Variants in TFPI observed in about 807,000 individuals in gnomAD.
TFPI encodes the protein anti-convertin.
A neutral mutation model predicts 34.6 loss-of-function variants in TFPI; 15 were observed. The observed-to-expected ratio is 0.43, with a 90% CI of 0.29 to 0.67. TFPI has a LOEUF of 0.67. TFPI is among the 30% of genes least tolerant of loss of function. The pLI, the probability that TFPI is intolerant of heterozygous loss-of-function variation, is 0.15. For synonymous variants in TFPI, 105 were observed against 120.1 expected (o/e 0.87, Z 0.82); for missense variants, 301 against 364.0 (o/e 0.83, Z 1.41).
rs536765284 is a variant in TFPI at position 187,538,976 on chromosome 2, A to G, written c.-3+15224T>C. The stretch of plus-strand genomic sequence containing the variant: ...ATTGGGTCTAATATTTAAACATTTG[A>G]ATAATATTAATATATATTGAAAATT... On this transcript the variant is annotated intron_variant, in intron 1 of 7. Transcript: ENST00000233156. 3.9e-4 allele frequency among the ~76,000 whole-genome samples: 59 copies of G among 152,288 alleles called. 1 individual carries two copies. In the South Asian group the frequency reaches 0.012, roughly 30 times the overall value.
intron 1 of TFPI, among the ~76,000 whole-genome samples, chr2:187,511,963 G>C (rs1291733792): frequency 6.6e-6 from 1 of 152,064 alleles, no homozygotes; most frequent in Non-Finnish European, 1.5e-5. Flanking sequence ...AAAAAACAGT[G>C]TACCCTATTC....
At chr2:187,552,021 A>C (rs2106338840) in intron 1 of TFPI, among the ~76,000 whole-genome samples, 1 of 152,262 alleles carries the variant, frequency 6.6e-6, no homozygotes, top group African/African-American at 2.4e-5. Flanking sequence ...AACCCATTTT[A>C]ACCTATATTA....
rs111300670 is a variant in TFPI at position 187,465,470 on chromosome 2, AC to A, written c.*1465del. On this transcript the variant is annotated 3_prime_UTR_variant, in exon 8 of 8. Coordinates refer to ENST00000233156, the MANE Select transcript of TFPI (RefSeq NM_006287.6). ...ACAGAGTGGGACCCTGTCTAAAAAA[AC>A]ATAACAAAACAAAACAAAATGAAAA... 66,442 of 138,834 alleles carry A rather than the reference AC, an allele frequency of 0.48. 17,243 individuals are homozygous for A. The highest frequency in any genetic ancestry group is 0.65 in the East Asian group (3,038 of 4,692). 8.6% of individuals were successfully genotyped at this position (138,834 alleles called of 1,614,324 possible).
chr2:187,549,179 T>C (rs913925807), intron 1 of TFPI, among the ~76,000 whole-genome samples: 1 of 152,106 alleles, frequency 6.6e-6, no homozygotes, highest in Admixed American at 6.6e-5. Context: ...ATATAAATTA[T>C]GTCTACTACG....
intron 1 of TFPI, among the ~76,000 whole-genome samples, chr2:187,553,713 C>T (rs372048189): frequency 1.3e-5 from 2 of 151,968 alleles, no homozygotes; most frequent in Admixed American, 6.6e-5. Context: ...TAAAATATTC[C>T]ATTTAGATTA....
chr2:187,509,571 C>T (rs1686475207), intron 1 of TFPI, among the ~76,000 whole-genome samples: 1 of 152,104 alleles, frequency 6.6e-6, no homozygotes, highest in Admixed American at 6.5e-5. Context: ...TCTAAATTTT[C>T]TAGTTTATTT....
chr2:187,502,096 A>T (rs1685889197), intron 2 of TFPI, among the ~76,000 whole-genome samples: 1 of 152,222 alleles, frequency 6.6e-6, no homozygotes, highest in Non-Finnish European at 1.5e-5. Flanking sequence ...CAAAAACAAA[A>T]TAAAACTAGA....
At chr2:187,473,536 C>A (rs1340591601) in intron 6 of TFPI, among the ~76,000 whole-genome samples, 1 of 151,964 alleles carries the variant, frequency 6.6e-6, no homozygotes, top group Admixed American at 6.6e-5. Flanking sequence ...AAATTCTTTG[C>A]AATCATAATG....
At chr2:187,476,840 A>G (rs924119999) in intron 6 of TFPI, among the ~76,000 whole-genome samples, 1 of 152,142 alleles carries the variant, frequency 6.6e-6, no homozygotes, top group East Asian at 1.9e-4. Flanking sequence ...TAAGCAAAAG[A>G]AGTCTTATCA....
At chr2:187,503,193 G>C (rs1287284678) in intron 2 of TFPI, among the ~76,000 whole-genome samples, 1 of 151,718 alleles carries the variant, frequency 6.6e-6, no homozygotes, top group Non-Finnish European at 1.5e-5. Flanking sequence ...TTTTATATTA[G>C]TCTCAACTGG....
In TFPI at chr2:187,484,942, C is replaced by T. The variant is rs1320931968; in HGVS notation, c.404G>A (p.Arg135Gln). Reference protein sequence around the residue: ...CFLEEDPGICRGYITRYFYNN... With the variant: ...CFLEEDPGICQGYITRYFYNN... Reference sequence around the variant, plus strand: ...ATAAAAATACCTGGTAATATAACCTCGACATATTCCAGGATCTTCTTCCAA... The same window carrying T: ...ATAAAAATACCTGGTAATATAACCTTGACATATTCCAGGATCTTCTTCCAA... Residue 135 changes from arginine to glutamine, a missense_variant, in exon 5 of 8, where the codon CGA becomes CAA. Arg to Gln is a conservative substitution (Grantham distance 43). Transcript: ENST00000233156. The T allele has an allele frequency of 3.2e-6, 5 of 1,553,214 alleles. No individual in the cohort carries two copies. Among genetic ancestry groups the T allele is most frequent in the African/African-American group, 1.4e-5 (1 of 71,952 alleles).
At chr2:187,482,684 A>AT (rs1692963120) in intron 6 of TFPI, among the ~76,000 whole-genome samples, 2 of 151,850 alleles carry the variant, frequency 1.3e-5, no homozygotes, top group Admixed American at 1.3e-4. Flanking sequence ...ACAGCCATCA[A>AT]TTTTTTAAGA....
intron 4 of TFPI, among the ~76,000 whole-genome samples, chr2:187,485,387 C>T (rs1418940513): frequency 6.6e-6 from 1 of 151,678 alleles, no homozygotes; most frequent in African/African-American, 2.4e-5. Flanking sequence ...AGGGTGGCTT[C>T]TCAGGAAAAG....
At chr2:187,513,914 G>T (rs990867417) in intron 1 of TFPI, 1 of 152,154 alleles carries the variant, frequency 6.6e-6, no homozygotes, top group Non-Finnish European at 1.5e-5. Context: ...GTCAAAGACA[G>T]CCCTCTACTT....
intron 3 of TFPI, among the ~76,000 whole-genome samples, chr2:187,492,270 T>G (rs780968715): frequency 9.9e-4 from 151 of 152,324 alleles, no homozygotes; most frequent in Non-Finnish European, 7.6e-4. Context: ...TTTTGAGGAT[T>G]TAGTCATAAA....
chr2:187,487,962 G>A (rs539007495), intron 4 of TFPI, among the ~76,000 whole-genome samples: 56 of 151,426 alleles, frequency 3.7e-4, no homozygotes, highest in Non-Finnish European at 6.2e-4. Flanking sequence ...TCTCTATCTG[G>A]AAGGTGTTAA....
At chr2:187,500,145 G>T (rs1304244857) in intron 2 of TFPI, among the ~76,000 whole-genome samples, 1 of 152,058 alleles carries the variant, frequency 6.6e-6, no homozygotes, top group African/African-American at 2.4e-5. Flanking sequence ...TGGTGGCAGT[G>T]CACCACAAAG....
At chr2:187,468,916 A>G (rs1691874945) in intron 6 of TFPI, among the ~76,000 whole-genome samples, 1 of 152,074 alleles carries the variant, frequency 6.6e-6, no homozygotes, top group South Asian at 2.1e-4. Flanking sequence ...AAGCAAATAC[A>G]GAGGAGGAAG....
At chr2:187,514,111 C>T (rs573857774) in intron 1 of TFPI, 1 of 152,286 alleles carries the variant, frequency 6.6e-6, no homozygotes, top group Non-Finnish European at 1.5e-5. Context: ...GATGGACTTC[C>T]CCAACCGGTT....
Sources: allele counts gnomAD v4.1 joint callset (sites outside exome capture counted in the v4.1 genomes callset), GRCh38; gene constraint gnomAD v4.1.1; transcripts MANE v1.5; gene names NCBI Gene and HGNC (gene_info 2026-07-23, HGNC 2026-07-21).